Variants in ASIC2 observed in about 807,000 individuals in gnomAD.
The protein encoded by ASIC2 is acid sensing ion channel subunit 2.
Under a neutral mutation model 57.3 loss-of-function variants are expected in ASIC2, and 25 were observed. The ratio of observed to expected loss-of-function variants is 0.44; its 90% CI spans 0.32 to 0.61. ASIC2 has a LOEUF of 0.61. Among genes scored for constraint, ASIC2 ranks in the 20% least tolerant of loss-of-function variants. ASIC2 has a pLI of 0.06. For synonymous variants in ASIC2, 319 were observed against 307.5 expected, an observed-to-expected ratio of 1.04 and a Z score of -0.39; for missense variants, 641 against 738.1, an observed-to-expected ratio of 0.87 and a Z score of 1.52.
chr17:33,212,309 G>A (rs1390575126), intron 1 of ASIC2, among the ~76,000 whole-genome samples: 1 of 152,172 alleles, frequency 6.6e-6, no homozygotes, highest in Non-Finnish European at 1.5e-5. Flanking sequence ...TAAGAGGGAG[G>A]CAGAAGGACA....
intron 1 of ASIC2, among the ~76,000 whole-genome samples, chr17:33,619,809 A>C (rs1905723184): frequency 6.6e-6 from 1 of 152,200 alleles, no homozygotes; most frequent in African/African-American, 2.4e-5. Flanking sequence ...ACAAGTTGCT[A>C]TCAGGAGTAT....
At chr17:34,038,746 C>A in intron 1 of ASIC2, 1 of 1,609,586 alleles carries the variant, frequency 6.2e-7, no homozygotes, top group South Asian at 1.1e-5. Flanking sequence ...ATTCTTTTAA[C>A]GTTAACGTTT....
intron 1 of ASIC2, among the ~76,000 whole-genome samples, chr17:33,906,386 C>T (rs1393471850): frequency 6.6e-6 from 1 of 152,148 alleles, no homozygotes; most frequent in Non-Finnish European, 1.5e-5. Context: ...TAGAAAATCT[C>T]CTAAAAAGTT....
chr17:34,098,885 A>T (rs1445270192), intron 1 of ASIC2, among the ~76,000 whole-genome samples: 3 of 152,024 alleles, frequency 2.0e-5, no homozygotes, highest in Non-Finnish European at 2.9e-5. Context: ...GACAGAGGAG[A>T]TGACTAATAA....
upstream of ASIC2, among the ~76,000 whole-genome samples, chr17:33,295,890 T>G (rs1189357301): frequency 6.6e-6 from 1 of 152,166 alleles, no homozygotes; most frequent in Non-Finnish European, 1.5e-5. Flanking sequence ...CTTGTTATGT[T>G]GCCCAGGCTG....
intron 1 of ASIC2, among the ~76,000 whole-genome samples, chr17:33,320,453 T>C (rs200482693): frequency 1.3e-5 from 2 of 152,172 alleles, no homozygotes; most frequent in Non-Finnish European, 2.9e-5. Context: ...TCTGGTTCTA[T>C]AGACAACAAA....
chr17:33,186,937 G>A (rs1906220265), intron 1 of ASIC2, among the ~76,000 whole-genome samples: 1 of 152,170 alleles, frequency 6.6e-6, no homozygotes, highest in Non-Finnish European at 1.5e-5. Context: ...AGATTGTGAT[G>A]TGCGACGAAA....
At chr17:33,557,919 C>A (rs950419248) in intron 1 of ASIC2, among the ~76,000 whole-genome samples, 2 of 152,160 alleles carry the variant, frequency 1.3e-5, no homozygotes, top group Non-Finnish European at 2.9e-5. Flanking sequence ...CTGGTCTTCC[C>A]ATTTTCACTC....
chr17:33,748,433 C>T (rs1408261771), intron 1 of ASIC2, among the ~76,000 whole-genome samples: 1 of 152,248 alleles, frequency 6.6e-6, no homozygotes, highest in African/African-American at 2.4e-5. Flanking sequence ...AGAGGAGACA[C>T]AGTACAGTCC....
At chr17:33,672,717 T>C (rs1384279561) in intron 1 of ASIC2, among the ~76,000 whole-genome samples, 1 of 152,230 alleles carries the variant, frequency 6.6e-6, no homozygotes, top group African/African-American at 2.4e-5. Context: ...CATCTTTTAA[T>C]ACAACCTGTA....
At chr17:33,264,820 C>T (rs1357055349) in intron 1 of ASIC2, among the ~76,000 whole-genome samples, 2 of 152,166 alleles carry the variant, frequency 1.3e-5, no homozygotes, top group South Asian at 2.1e-4. Context: ...GGGTGTGAGT[C>T]TAGGGTTCAA....
intron 1 of ASIC2, among the ~76,000 whole-genome samples, chr17:33,501,991 A>T (rs1359643832): frequency 6.6e-6 from 1 of 152,164 alleles, no homozygotes; most frequent in Non-Finnish European, 1.5e-5. Flanking sequence ...TCCTTGATCA[A>T]TGGCTTTGCC....
At chr17:33,676,794 G>A (rs1197015081) in intron 1 of ASIC2, among the ~76,000 whole-genome samples, 1 of 152,250 alleles carries the variant, frequency 6.6e-6, no homozygotes, top group Non-Finnish European at 1.5e-5. Context: ...GATATAGCTT[G>A]AATACATGTC....
intron 1 of ASIC2, among the ~76,000 whole-genome samples, chr17:34,132,427 C>G (rs1407395350): frequency 6.6e-5 from 10 of 152,134 alleles, no homozygotes; most frequent in Non-Finnish European, 1.2e-4. Flanking sequence ...TGGAGGCCAG[C>G]TTTTATTCCC....
intron 1 of ASIC2, among the ~76,000 whole-genome samples, chr17:34,149,089 T>C (rs1904410099): frequency 6.7e-6 from 1 of 149,864 alleles, no homozygotes; most frequent in South Asian, 2.1e-4. Flanking sequence ...TTCTTTCTTT[T>C]TTTCTTTTTT....
chr17:34,116,263 T>C (rs1373872538), intron 1 of ASIC2, among the ~76,000 whole-genome samples: 1 of 152,128 alleles, frequency 6.6e-6, no homozygotes, highest in African/African-American at 2.4e-5. Flanking sequence ...AAAAATGCCT[T>C]TCTCTCTCTA....
At chr17:33,617,520 G>C (rs1200945591) in intron 1 of ASIC2, among the ~76,000 whole-genome samples, 3 of 151,632 alleles carry the variant, frequency 2.0e-5, no homozygotes, top group African/African-American at 7.3e-5. Context: ...AGGGAGGAGG[G>C]GAGAATAAAA....
chr17:33,735,286 G>A (rs554166454), intron 1 of ASIC2, among the ~76,000 whole-genome samples: 1 of 152,296 alleles, frequency 6.6e-6, no homozygotes, highest in African/African-American at 2.4e-5. Context: ...CCTTGTGTGG[G>A]AAACAGAGTC....
intron 1 of ASIC2, among the ~76,000 whole-genome samples, chr17:33,802,567 T>C (rs560430917): frequency 4.6e-5 from 7 of 152,212 alleles, no homozygotes; most frequent in African/African-American, 1.4e-4. Flanking sequence ...GCTTTGAAAA[T>C]AGTCCTGAAC....
Sources: allele counts gnomAD v4.1 joint callset (sites outside exome capture counted in the v4.1 genomes callset), GRCh38; gene constraint gnomAD v4.1.1; transcripts MANE v1.5; gene names NCBI Gene and HGNC (gene_info 2026-07-23, HGNC 2026-07-21).